Variants in RAB9B observed in about 807,000 individuals in gnomAD.
RAB9B encodes the protein ras-related protein Rab-9B.
Under a neutral mutation model 8.9 loss-of-function variants are expected in RAB9B, and 1 was observed. The ratio of observed to expected loss-of-function variants is 0.11; its 90% CI spans 0.04 to 0.53. RAB9B has a LOEUF of 0.53. Ranked by LOEUF, RAB9B falls within the 20% of genes least tolerant of loss-of-function variation. RAB9B has a pLI of 0.93. For missense variants in RAB9B, 82 were observed against 152.9 expected (o/e 0.54, Z 2.45); for synonymous variants, 63 against 57.0 (o/e 1.10, Z -0.47).
At chrX:103,800,356 AG>A in the RAB9B span, among the ~76,000 whole-genome samples, 7 of 111,443 alleles carry the variant, frequency 6.3e-5, no homozygotes, top group Non-Finnish European at 1.3e-4. Flanking sequence ...TCATTGCTTT[AG>A]TAATTTAATC....
chrX:103,829,704 T>C (rs1204915788), intron 1 of RAB9B, among the ~76,000 whole-genome samples: 1 of 112,361 alleles, frequency 8.9e-6, no homozygotes. Flanking sequence ...CAAATTAACA[T>C]GCAAGCTCAG....
the RAB9B span, among the ~76,000 whole-genome samples, chrX:103,816,401 C>T: frequency 2.1e-4 from 23 of 111,663 alleles, no homozygotes; most frequent in Non-Finnish European, 4.0e-4. Context: ...AAACTAGACC[C>T]CTTCCTTACA....
the RAB9B span, chrX:103,788,614 T>C: frequency 1.4e-6 from 1 of 693,635 alleles, no homozygotes; most frequent in Non-Finnish European, 2.4e-6. Flanking sequence ...TTTGCTGGAT[T>C]TTGAATTAGC....
chrX:103,801,351 C>T, the RAB9B span, among the ~76,000 whole-genome samples: 1 of 111,047 alleles, frequency 9.0e-6, no homozygotes, highest in African/African-American at 3.3e-5. Context: ...CACCACTTTC[C>T]CAGGTATACT....
the RAB9B span, among the ~76,000 whole-genome samples, chrX:103,778,362 G>A: frequency 5.5e-4 from 62 of 112,028 alleles, no homozygotes; most frequent in African/African-American, 1.7e-3. Context: ...GGTTTTCTTT[G>A]CGTGCTTGGG....
At chrX:103,804,573 T>G in the RAB9B span, among the ~76,000 whole-genome samples, 11 of 111,883 alleles carry the variant, frequency 9.8e-5, no homozygotes, top group East Asian at 3.1e-3. Flanking sequence ...AGCTTGGATT[T>G]TGCCAGGGAT....
the RAB9B span, among the ~76,000 whole-genome samples, chrX:103,810,064 A>C: frequency 1.8e-5 from 2 of 111,602 alleles, no homozygotes; most frequent in African/African-American, 6.5e-5. Context: ...GAAGAATCAT[A>C]CACATGGAAA....
At chrX:103,776,777 G>A in the RAB9B span, 6 of 400,750 alleles carry the variant, frequency 1.5e-5, no homozygotes, top group African/African-American at 1.7e-4. Context: ...GGAGAAGGGA[G>A]GAGGAGAGGA....
the RAB9B span, among the ~76,000 whole-genome samples, chrX:103,811,175 G>A: frequency 8.9e-6 from 1 of 111,970 alleles, no homozygotes; most frequent in Non-Finnish European, 1.9e-5. Context: ...CATTGACTCT[G>A]TGGCAGGCAT....
chrX:103,783,450 T>G, the RAB9B span, among the ~76,000 whole-genome samples: 1 of 112,495 alleles, frequency 8.9e-6, no homozygotes, highest in African/African-American at 3.2e-5. Flanking sequence ...TTGTTTGGCT[T>G]GGGCTTCTGA....
chrX:103,819,803 C>T (rs1190182413), downstream of RAB9B, among the ~76,000 whole-genome samples: 2 of 112,019 alleles, frequency 1.8e-5, no homozygotes, highest in Non-Finnish European at 3.8e-5. Flanking sequence ...ATTAAAATGA[C>T]CAGTTTGGAA....
At chrX:103,788,724 T>C in the RAB9B span, 3 of 431,351 alleles carry the variant, frequency 7.0e-6, no homozygotes, top group East Asian at 3.9e-5. Flanking sequence ...AGACTTCCTT[T>C]CCAACCCTTC....
the RAB9B span, among the ~76,000 whole-genome samples, chrX:103,795,003 T>C: frequency 8.9e-6 from 1 of 112,226 alleles, no homozygotes; most frequent in Admixed American, 9.5e-5. Context: ...AGTCTTAACA[T>C]TTTACTCAAA....
At chrX:103,810,306 C>T in the RAB9B span, among the ~76,000 whole-genome samples, 1 of 111,637 alleles carries the variant, frequency 9.0e-6, no homozygotes, top group Admixed American at 9.5e-5. Flanking sequence ...CAGAGTGTGG[C>T]TTTTTGAGGT....
At chrX:103,787,531 A>C in the RAB9B span, 12 of 418,796 alleles carry the variant, frequency 2.9e-5, no homozygotes, top group Non-Finnish European at 5.0e-5. Context: ...CTGCCCAAAA[A>C]CATCCTCTGA....
chrX:103,802,782 C>T, the RAB9B span, among the ~76,000 whole-genome samples: 2 of 110,839 alleles, frequency 1.8e-5, no homozygotes, highest in African/African-American at 6.6e-5. Flanking sequence ...TTTCATCACC[C>T]CCAAATGAAG....
chrX:103,780,167 C>T, the RAB9B span: 5 of 112,820 alleles, frequency 4.4e-5, no homozygotes, highest in Admixed American at 4.7e-4. Context: ...CCAGGCAGGG[C>T]TCTAGAAAAG....
At chrX:103,781,084 G>A in the RAB9B span, 1 of 202,374 alleles carries the variant, frequency 4.9e-6, no homozygotes, top group South Asian at 6.4e-5. Context: ...GCTGGGAATT[G>A]TGCAGGGTAC....
At chrX:103,809,213 C>T in the RAB9B span, among the ~76,000 whole-genome samples, 1 of 112,179 alleles carries the variant, frequency 8.9e-6, no homozygotes, top group Non-Finnish European at 1.9e-5. Flanking sequence ...AGATGGTGGC[C>T]ATCTGCAAGC....
Sources: allele counts gnomAD v4.1 joint callset (sites outside exome capture counted in the v4.1 genomes callset), GRCh38; gene constraint gnomAD v4.1.1; transcripts MANE v1.5; gene names NCBI Gene and HGNC (gene_info 2026-07-23, HGNC 2026-07-21).